Variants in PABPC4L observed in about 807,000 individuals in gnomAD.
PABPC4L encodes polyadenylate-binding protein 4-like.
For missense variants in PABPC4L, 452 were observed against 451.4 expected (o/e 1.00, Z -0.01); for synonymous variants, 169 against 164.1 (o/e 1.03, Z -0.23).
the PABPC4L span, among the ~76,000 whole-genome samples, chr4:134,140,649 G>A: frequency 4.6e-5 from 7 of 151,720 alleles, no homozygotes; most frequent in Non-Finnish European, 1.0e-4. Flanking sequence ...GATAAATGTA[G>A]GGATTTTTAA....
chr4:134,055,630 G>GTTT, the PABPC4L span, among the ~76,000 whole-genome samples: 4 of 117,378 alleles, frequency 3.4e-5, no homozygotes, highest in Admixed American at 8.5e-5. Context: ...GTTCCCCGTG[G>GTTT]TTTTTTTTTT....
chr4:134,109,225 A>G, the PABPC4L span, among the ~76,000 whole-genome samples: 2 of 152,000 alleles, frequency 1.3e-5, no homozygotes, highest in Admixed American at 1.3e-4. Flanking sequence ...ACTTGTGTAT[A>G]TGCAGAATGT....
the PABPC4L span, among the ~76,000 whole-genome samples, chr4:134,142,187 A>G: frequency 6.6e-6 from 1 of 151,732 alleles, no homozygotes; most frequent in Non-Finnish European, 1.5e-5. Context: ...CTTGGGCAGT[A>G]GCAACAACAG....
the PABPC4L span, among the ~76,000 whole-genome samples, chr4:134,044,530 C>T: frequency 6.6e-6 from 1 of 152,142 alleles, no homozygotes; most frequent in African/African-American, 2.4e-5. Flanking sequence ...TCCCAAAGTG[C>T]TGGGATTATA....
chr4:134,107,529 G>A, the PABPC4L span, among the ~76,000 whole-genome samples: 1 of 151,522 alleles, frequency 6.6e-6, no homozygotes, highest in African/African-American at 2.4e-5. Context: ...GCTCCTATTT[G>A]GAACAGGATG....
chr4:134,119,614 C>T, the PABPC4L span, among the ~76,000 whole-genome samples: 1 of 151,540 alleles, frequency 6.6e-6, no homozygotes, highest in East Asian at 1.9e-4. Context: ...GTACACAAAT[C>T]TTACATTTAC....
At chr4:134,158,460 C>T in the PABPC4L span, among the ~76,000 whole-genome samples, 2 of 152,004 alleles carry the variant, frequency 1.3e-5, no homozygotes, top group Non-Finnish European at 2.9e-5. Flanking sequence ...TTCTTAAAGT[C>T]TACCTTTACA....
At chr4:134,096,340 T>C in the PABPC4L span, among the ~76,000 whole-genome samples, 1 of 152,010 alleles carries the variant, frequency 6.6e-6, no homozygotes, top group African/African-American at 2.4e-5. Context: ...AAAATACTTT[T>C]ACTTAGTAGA....
chr4:134,117,908 T>C, the PABPC4L span, among the ~76,000 whole-genome samples: 1 of 151,712 alleles, frequency 6.6e-6, no homozygotes, highest in African/African-American at 2.4e-5. Context: ...CCAACAATGA[T>C]CTGGGATGAA....
chr4:134,005,498 G>C, the PABPC4L span, among the ~76,000 whole-genome samples: 1 of 151,828 alleles, frequency 6.6e-6, no homozygotes, highest in Middle Eastern at 3.2e-3. Context: ...GGCAAAATTA[G>C]ATGCAGAGAT....
At chr4:134,196,010 G>A (rs943213554), downstream of PABPC4L, among the ~76,000 whole-genome samples, 1 of 151,018 alleles carries the variant, frequency 6.6e-6, no homozygotes, top group African/African-American at 2.4e-5. Context: ...ATTATATTAT[G>A]GGGCATATTT....
chr4:134,090,644 T>C, the PABPC4L span, among the ~76,000 whole-genome samples: 1 of 151,918 alleles, frequency 6.6e-6, no homozygotes, highest in Non-Finnish European at 1.5e-5. Context: ...ATACCTGTAG[T>C]CCTAGCTACT....
At chr4:134,152,808 T>A in the PABPC4L span, among the ~76,000 whole-genome samples, 1 of 152,148 alleles carries the variant, frequency 6.6e-6, no homozygotes, top group Non-Finnish European at 1.5e-5. Flanking sequence ...CTGACACTTC[T>A]CCAGTATGTA....
chr4:134,107,941 C>T, the PABPC4L span, among the ~76,000 whole-genome samples: 1 of 151,378 alleles, frequency 6.6e-6, no homozygotes, highest in Admixed American at 6.6e-5. Flanking sequence ...TGAACTCACA[C>T]TTTTACAGTA....
At chr4:134,086,788 G>T in the PABPC4L span, among the ~76,000 whole-genome samples, 3 of 137,542 alleles carry the variant, frequency 2.2e-5, no homozygotes, top group Non-Finnish European at 3.2e-5. Context: ...GTTTGTTTTT[G>T]TTTTATTTGT....
the PABPC4L span, among the ~76,000 whole-genome samples, chr4:133,997,083 C>T: frequency 4.6e-5 from 7 of 152,116 alleles, no homozygotes; most frequent in African/African-American, 1.7e-4. Flanking sequence ...TATAATTTTT[C>T]CCACCACCCT....
chr4:134,033,020 C>CTT, the PABPC4L span, among the ~76,000 whole-genome samples: 1 of 138,874 alleles, frequency 7.2e-6, no homozygotes, highest in African/African-American at 2.6e-5. Flanking sequence ...CACAAGTATC[C>CTT]TTTTTTTTTT....
Position 134,200,438 on chromosome 4 carries a change from T to A in PABPC4L, c.582A>T (p.Ile194=). 1 of 1,552,400 alleles carries A rather than the reference T, an allele frequency of 6.4e-7. No individual in the cohort carries two copies. Among genetic ancestry groups the A allele is most frequent in the South Asian group, 1.2e-5 (1 of 84,124 alleles). Residue 194 remains isoleucine (I), a synonymous_variant, in exon 2 of 2, where the codon ATA becomes ATT. Transcript: ENST00000421491. ...CATCCATGTCACCTCCAAAGTTTTT[T>A]ATGTAAACATTGGTGAATTCACTGG... is the stretch of plus-strand genomic sequence containing the variant. The part of the protein sequence containing the change: ...SKASEFTNVY[I]KNFGGDMDDE...
At chr4:134,017,655 G>C in the PABPC4L span, among the ~76,000 whole-genome samples, 1 of 152,108 alleles carries the variant, frequency 6.6e-6, no homozygotes, top group African/African-American at 2.4e-5. Context: ...CCAATTCTTA[G>C]ACCTTTAATA....
Sources: gnomAD v4.1 joint callset for allele counts (sites outside exome capture counted in the v4.1 genomes callset) on GRCh38, gnomAD v4.1.1 for gene constraint, MANE v1.5 for transcripts, NCBI Gene and HGNC (gene_info 2026-07-23, HGNC 2026-07-21) for gene names.